The following RTL4 variants were observed in gnomAD, a reference collection of about 807,000 sequenced individuals.
The protein encoded by RTL4 is retrotransposon Gag-like protein 4.
In RTL4, 4 loss-of-function variants were observed where a neutral mutation model predicts 5.3. The ratio of observed to expected loss-of-function variants is 0.75; its 90% CI spans 0.37 to 1.72. The LOEUF (loss-of-function observed/expected upper bound fraction) is 1.72, where lower values mean the gene tolerates loss of function less well. Ranked by LOEUF, RTL4 falls within the 40% of genes most tolerant of loss-of-function variation. The pLI, the probability that RTL4 is intolerant of heterozygous loss-of-function variation, is 0.04. For missense variants in RTL4, 260 were observed against 227.1 expected (o/e 1.14, Z -0.93); for synonymous variants, 98 against 87.3 (o/e 1.12, Z -0.68).
the RTL4 span, among the ~76,000 whole-genome samples, chrX:112,171,945 T>C: frequency 4.5e-5 from 5 of 112,235 alleles, no homozygotes; most frequent in Admixed American, 1.9e-4. Flanking sequence ...GAGAGAGAAC[T>C]TTTGCAATTT....
At chrX:112,283,455 A>T in the RTL4 span, among the ~76,000 whole-genome samples, 1 of 111,778 alleles carries the variant, frequency 8.9e-6, no homozygotes, top group Admixed American at 9.5e-5. Flanking sequence ...GACTATCAAG[A>T]GTATAAATCA....
the RTL4 span, among the ~76,000 whole-genome samples, chrX:112,421,785 T>C: frequency 8.9e-6 from 1 of 112,191 alleles, no homozygotes; most frequent in Non-Finnish European, 1.9e-5. Context: ...TTCTTAATGG[T>C]TTTGTGTTTG....
chrX:112,126,306 C>T, the RTL4 span, among the ~76,000 whole-genome samples: 1 of 111,995 alleles, frequency 8.9e-6, no homozygotes, highest in Non-Finnish European at 1.9e-5. Context: ...TTAAAGGTAC[C>T]TAAGTGCTTT....
chrX:112,190,180 C>CTT, the RTL4 span, among the ~76,000 whole-genome samples: 9 of 100,380 alleles, frequency 9.0e-5, no homozygotes, highest in Non-Finnish European at 1.6e-4. Flanking sequence ...TTCTTTCTTT[C>CTT]TTTCTTTCTT....
chrX:112,290,871 T>C, the RTL4 span, among the ~76,000 whole-genome samples: 1 of 112,161 alleles, frequency 8.9e-6, no homozygotes, highest in Non-Finnish European at 1.9e-5. Flanking sequence ...ACCTTGTTTT[T>C]TGGGAGAAGG....
the RTL4 span, among the ~76,000 whole-genome samples, chrX:112,114,215 A>T: frequency 9.0e-6 from 1 of 110,714 alleles, no homozygotes; most frequent in Non-Finnish European, 1.9e-5. Flanking sequence ...AATTCTCCTT[A>T]GTCCTTCTAT....
At chrX:112,439,466 A>G in the RTL4 span, among the ~76,000 whole-genome samples, 1 of 111,753 alleles carries the variant, frequency 8.9e-6, no homozygotes, top group Non-Finnish European at 1.9e-5. Flanking sequence ...AGTCTTAAAC[A>G]TCTTCCTGGA....
At chrX:112,144,610 A>G in the RTL4 span, among the ~76,000 whole-genome samples, 1 of 111,579 alleles carries the variant, frequency 9.0e-6, no homozygotes, top group Non-Finnish European at 1.9e-5. Flanking sequence ...GGAAGCGTAA[A>G]CAACATACTA....
the RTL4 span, among the ~76,000 whole-genome samples, chrX:112,167,315 G>C: frequency 8.9e-6 from 1 of 111,822 alleles, no homozygotes; most frequent in Non-Finnish European, 1.9e-5. Flanking sequence ...AGCAAGATGG[G>C]AATAAGTAGT....
chrX:112,241,844 C>CT, the RTL4 span, among the ~76,000 whole-genome samples: 1 of 112,212 alleles, frequency 8.9e-6, no homozygotes, highest in South Asian at 3.7e-4. Context: ...ACATTTAAGT[C>CT]TTTAATCCAT....
chrX:112,180,421 C>T, the RTL4 span, among the ~76,000 whole-genome samples: 1 of 111,832 alleles, frequency 8.9e-6, no homozygotes, highest in Non-Finnish European at 1.9e-5. Flanking sequence ...ATAAAAATGG[C>T]ATTCTGTGAT....
At chrX:112,263,087 G>C in the RTL4 span, among the ~76,000 whole-genome samples, 1 of 104,751 alleles carries the variant, frequency 9.5e-6, no homozygotes. Flanking sequence ...ATAGCATTAG[G>C]AGATATACCT....
the RTL4 span, among the ~76,000 whole-genome samples, chrX:112,149,333 T>G: frequency 3.0e-4 from 33 of 111,164 alleles, no homozygotes; most frequent in African/African-American, 1.0e-3. Flanking sequence ...TGATGATAAG[T>G]GCTAGGAAAA....
the RTL4 span, among the ~76,000 whole-genome samples, chrX:112,210,045 A>C: frequency 4.5e-5 from 5 of 111,934 alleles, no homozygotes; most frequent in East Asian, 1.4e-3. Context: ...AGCAGCTTGC[A>C]CAGCAGCCTG....
At chrX:112,242,300 T>G in the RTL4 span, among the ~76,000 whole-genome samples, 2 of 112,063 alleles carry the variant, frequency 1.8e-5, no homozygotes, top group Non-Finnish European at 3.8e-5. Context: ...ATGGCCATTT[T>G]CATGATATTG....
At chrX:112,448,432 G>C in the RTL4 span, among the ~76,000 whole-genome samples, 53 of 111,782 alleles carry the variant, frequency 4.7e-4, no homozygotes, top group Non-Finnish European at 8.8e-4. Flanking sequence ...AAGGTTGGCT[G>C]TGGGTCTGAG....
At chrX:112,118,846 A>G in the RTL4 span, among the ~76,000 whole-genome samples, 1 of 111,225 alleles carries the variant, frequency 9.0e-6, no homozygotes, top group African/African-American at 3.3e-5. Flanking sequence ...AAAATGGATT[A>G]CTGATGTTTG....
chrX:112,232,298 C>T, the RTL4 span, among the ~76,000 whole-genome samples: 3 of 111,869 alleles, frequency 2.7e-5, no homozygotes, highest in Non-Finnish European at 3.8e-5. Context: ...CCTCTTTGAG[C>T]CTCCATATGT....
chrX:112,425,693 C>T, the RTL4 span, among the ~76,000 whole-genome samples: 13 of 111,274 alleles, frequency 1.2e-4, no homozygotes, highest in Non-Finnish European at 2.3e-4. Flanking sequence ...TGTTGAATAC[C>T]CTTTTATATG....
Sources: allele counts gnomAD v4.1 joint callset (sites outside exome capture counted in the v4.1 genomes callset), GRCh38; gene constraint gnomAD v4.1.1; transcripts MANE v1.5; gene names NCBI Gene and HGNC (gene_info 2026-07-23, HGNC 2026-07-21).